NOTCH2: variants seen among roughly 807,000 people sequenced by gnomAD.
The protein encoded by NOTCH2 is notch receptor 2.
NOTCH2 carries 29 observed loss-of-function variants against 235.8 expected under a neutral mutation model. The observed-to-expected ratio is 0.12, with a 90% CI of 0.09 to 0.17. The LOEUF is 0.17. Among genes scored for constraint, NOTCH2 ranks in the 10% least tolerant of loss-of-function variants. The pLI, the probability that NOTCH2 is intolerant of heterozygous loss-of-function variation, is 1.00. For synonymous variants in NOTCH2, 1,086 were observed against 1,141.5 expected (o/e 0.95, Z 0.98); for missense variants, 2,285 against 3,150.2 (o/e 0.73, Z 6.57).
chr1:119,918,588 C>A, intron 31 of NOTCH2, 35 bp from the exon 32 acceptor site: 1 of 1,610,738 alleles, frequency 6.2e-7, no homozygotes, highest in South Asian at 1.1e-5. Flanking sequence ...AGAGAGTCAC[C>A]TGGATGAAGG....
At chr1:119,932,398 A>C (rs587681300) in intron 22 of NOTCH2, among the ~76,000 whole-genome samples, 11 of 152,028 alleles carry the variant, frequency 7.2e-5, no homozygotes, top group Admixed American at 5.9e-4. Context: ...GACCAGCCTG[A>C]CCAACATGGA....
chr1:120,014,198 T>C (rs1332410758), intron 2 of NOTCH2, among the ~76,000 whole-genome samples: 1 of 152,070 alleles, frequency 6.6e-6, no homozygotes, highest in Non-Finnish European at 1.5e-5. Flanking sequence ...TTGGGGAGCA[T>C]TTTTCCATTT....
intron 5 of NOTCH2, chr1:119,976,314 T>A (rs1387778299): frequency 1.3e-5 from 2 of 151,814 alleles, no homozygotes; most frequent in East Asian, 3.9e-4. Flanking sequence ...AGACTTTCTA[T>A]CACGCTGCTG....
At chr1:120,069,108 C>T in intron 1 of NOTCH2, 1 of 1,520,790 alleles carries the variant, frequency 6.6e-7, no homozygotes, top group South Asian at 1.2e-5. Context: ...TGTAAGGGGT[C>T]CCGGGCCGCG....
intron 19 of NOTCH2, among the ~76,000 whole-genome samples, chr1:119,938,823 G>GGCACCCGCTACC (rs1553196086): frequency 3.3e-5 from 5 of 152,088 alleles, no homozygotes; most frequent in African/African-American, 1.2e-4. Context: ...TGGGACTACA[G>GGCACCCGCTACC]GCACCCGCTA....
At chr1:119,919,765 C>G (rs1241992928) in intron 30 of NOTCH2, 152 bp from the exon 31 acceptor site, 1 of 765,402 alleles carries the variant, frequency 1.3e-6, no homozygotes. Context: ...ACATTTGCCA[C>G]CTTTTCCTCT....
At position 119,911,858 on chromosome 1, in the gene NOTCH2, T is replaced by C. The variant is rs1648905160; in HGVS notation, c.*3448A>G. 4.3e-6 allele frequency: 1 copy of C among 233,148 alleles called. No individual in the cohort carries two copies. The highest frequency in any genetic ancestry group is 2.2e-5 in the African/African-American group (1 of 45,352). 14.4% of individuals were successfully genotyped at this position (233,148 alleles called of 1,614,324 possible). Reference sequence around the variant, plus strand: ...AGAAGAGTGCTCAGTTTTGTGATGTTTCCTATTTGACAGATGCTTTTTCCC... The same window carrying C: ...AGAAGAGTGCTCAGTTTTGTGATGTCTCCTATTTGACAGATGCTTTTTCCC... On this transcript the variant is annotated 3_prime_UTR_variant, in exon 34 of 34. Coordinates refer to ENST00000256646, the MANE Select transcript of NOTCH2 (RefSeq NM_024408.4).
intron 5 of NOTCH2, among the ~76,000 whole-genome samples, chr1:119,978,459 C>CA (rs1364839557): frequency 4.6e-5 from 7 of 152,192 alleles, no homozygotes; most frequent in Non-Finnish European, 8.8e-5. Context: ...AACTCCACCT[C>CA]ACCCCTCCAG....
At position 119,965,530 on chromosome 1, in the gene NOTCH2, T is replaced by G; in HGVS notation, c.1604A>C (p.Asp535Ala). The part of the protein sequence containing the change: ...TGPVCQIDID[D>A]CSSTPCLNGA... ...ATTCAGACACGGAGTACTGGAACAG[T>G]CATCAATATCAATCTGGCAAACTGG... Residue 535 changes from aspartate to alanine, a missense_variant, in exon 10 of 34, where the codon GAC becomes GCC. Physicochemically the swap from Asp to Ala is moderately radical, Grantham distance 126 (BLOSUM62 -2). Coordinates refer to ENST00000256646, the MANE Select transcript of NOTCH2 (RefSeq NM_024408.4). The G allele has an allele frequency of 6.2e-7, 1 of 1,614,016 alleles. No homozygotes were observed. The highest frequency in any genetic ancestry group is 8.5e-7 in the Non-Finnish European group (1 of 1,179,906).
At position 119,941,601 on chromosome 1, in the gene NOTCH2, T is replaced by C. The variant is rs142978777; in HGVS notation, c.2906A>G (p.Asn969Ser). 1.2e-5 allele frequency: 19 copies of C among 1,614,202 alleles called. No individual in the cohort carries two copies. The highest frequency in any genetic ancestry group is 5.3e-5 in the African/African-American group (4 of 75,056). Residue 969 changes from asparagine to serine, a missense_variant, in exon 18 of 34, where the codon AAC (asparagine) becomes AGC (serine). By Grantham distance (46) the Asn-to-Ser change is conservative. Transcript: ENST00000256646. ...KNGGTCSDYVNSYTCKCQAGF... is the reference protein window; with the variant it reads ...KNGGTCSDYVSSYTCKCQAGF... ...TGCCTGGCACTTGCAAGTGTAACTG[T>C]TGACGTAGTCAGAGCAGGTCCCTCC...
At position 119,925,572 on chromosome 1, in the gene NOTCH2, G is replaced by A. The variant is rs758275919; in HGVS notation, c.4244C>T (p.Thr1415Met). 15 of 1,614,150 alleles carry A rather than the reference G, an allele frequency of 9.3e-6. No individual in the cohort carries two copies. Among genetic ancestry groups the A allele is most frequent in the African/African-American group, 1.3e-5 (1 of 75,046 alleles). ...PFSGSRCELY[T>M]APPSTPPATC... ...GGCAGGAGGGGTGCTGGGGGGTGCCGTGTAGAGTTCACAGCGGCTACCCGA... is the reference window on the plus strand; with the variant it reads ...GGCAGGAGGGGTGCTGGGGGGTGCCATGTAGAGTTCACAGCGGCTACCCGA... The change falls in exon 25 of 34, where the codon ACG becomes ATG. Residue 1415 changes from threonine (T) to methionine (M), a missense_variant. Thr to Met is a moderately conservative substitution (Grantham distance 81). Around this residue, in one of 6 missense-constraint regions of NOTCH2, gnomAD observed 1,173 missense variants for 1,515.3 expected, o/e 0.77. Transcript: ENST00000256646.
chr1:119,929,291 G>C lies in NOTCH2; in HGVS notation c.3656-79C>G, dbSNP rs995562909. On this transcript the variant is annotated intron_variant, in intron 22 of 33. Coordinates refer to ENST00000256646, the MANE Select transcript of NOTCH2 (RefSeq NM_024408.4). ...CAGCAAGGGATAACCACCCTTGTTG[G>C]CATTTTCACAATGAATCAGAGTATA... 1.9e-5 allele frequency: 22 copies of C among 1,186,290 alleles called. No individual in the cohort carries two copies. In the African/African-American group the frequency reaches 3.1e-4, roughly 17 times the overall value. 73.5% of individuals were successfully genotyped at this position (1,186,290 alleles called of 1,614,324 possible). A position where few individuals can be genotyped will look rare whatever the true frequency, so the allele number is the denominator to read the frequency against.
rs1652486654 is a variant in NOTCH2, at chr1:119,997,020, G to C, written c.728C>G (p.Thr243Ser). The change falls in exon 4 of 34, where the codon ACT becomes AGT. Residue 243 changes from threonine (T) to serine (S), a missense_variant. Physicochemically the swap from Thr to Ser is moderately conservative, Grantham distance 58. This residue lies in a region of NOTCH2 where 431 missense variants were observed against 757.8 expected (regional missense o/e 0.57). Coordinates refer to ENST00000256646, the MANE Select transcript of NOTCH2 (RefSeq NM_024408.4). The stretch of plus-strand genomic sequence containing the variant: ...ACCTGGAAGGCAGTTGCACTCAAAA[G>C]TGAAGTCACCAGTCTGCCGACAGGT... Reference protein sequence around the residue: ...GGTCRQTGDFTFECNCLPGFE... With the variant: ...GGTCRQTGDFSFECNCLPGFE... The C allele has an allele frequency of 6.2e-7, 1 of 1,613,978 alleles. No homozygotes were observed. Among genetic ancestry groups the C allele is most frequent in the Non-Finnish European group, 8.5e-7 (1 of 1,179,858 alleles).
chr1:119,938,104 C>A, intron 19 of NOTCH2, 94 bp from the exon 20 acceptor site: 1 of 1,395,506 alleles, frequency 7.2e-7, no homozygotes, highest in Non-Finnish European at 1.0e-6. Flanking sequence ...CAAAGAAAAG[C>A]AAACTGATTA....
chr1:120,038,974 T>G (rs1410446959), intron 1 of NOTCH2, among the ~76,000 whole-genome samples: 1 of 152,194 alleles, frequency 6.6e-6, no homozygotes, highest in Middle Eastern at 3.4e-3. Context: ...AATTTACATC[T>G]AAATGAAAAA....
chr1:120,041,073 T>A (rs1177241854), intron 1 of NOTCH2, among the ~76,000 whole-genome samples: 786 of 65,982 alleles, frequency 0.012, 18 homozygotes, highest in East Asian at 0.083. Flanking sequence ...AAAAAAAAAA[T>A]ATATATATAT....
Position 119,922,410 on chromosome 1 carries a change from T to C in NOTCH2, c.5039A>G (p.Tyr1680Cys), listed in dbSNP as rs1238982700. Reference protein sequence around the residue: ...SLTPERTQLLYLLAVAVVIIL... With the variant: ...SLTPERTQLLCLLAVAVVIIL... ...GATGACAACAGCAACAGCAAGGAGA[T>C]AGAGGAGCTGAGTGCGTTCTGGAGT... is the stretch of plus-strand genomic sequence containing the variant. The change falls in exon 28 of 34, where the codon TAT (tyrosine) becomes TGT (cysteine). Residue 1680 changes from tyrosine (Y) to cysteine (C), a missense_variant. Transcript: ENST00000256646. 4.3e-6 allele frequency: 7 copies of C among 1,613,862 alleles called. No homozygotes were observed. Among genetic ancestry groups the C allele is most frequent in the Non-Finnish European group, 5.9e-6 (7 of 1,179,922 alleles).
chr1:119,975,471 C>T (rs887998786), intron 5 of NOTCH2, among the ~76,000 whole-genome samples: 4 of 152,022 alleles, frequency 2.6e-5, no homozygotes, highest in African/African-American at 9.7e-5. Flanking sequence ...CATGGTGAAA[C>T]CCCGTCTTTA....
rs753940637 is a variant in NOTCH2, at chr1:119,926,595, G to A, written c.3909C>T (p.Thr1303=). The change falls in exon 24 of 34, where the codon ACC becomes ACT. Residue 1303 remains threonine, a synonymous_variant. Transcript: ENST00000256646. ...RSAFTGRHCE[T]FVDVCPQMPC... ...GCATCTGGGGACACACATCGACGAA[G>A]GTTTCACAGTGCCGGCCTCAGAAAA... 1.2e-6 allele frequency: 2 copies of A among 1,608,116 alleles called. No individual in the cohort carries two copies. The highest frequency in any genetic ancestry group is 1.7e-6 in the Non-Finnish European group (2 of 1,176,638).
Sources: gnomAD v4.1 joint callset for allele counts (sites outside exome capture counted in the v4.1 genomes callset) on GRCh38, gnomAD v4.1.1 for gene constraint, gnomAD v4.1.1 regional missense constraint, MANE v1.5 for transcripts, NCBI Gene and HGNC (gene_info 2026-07-23, HGNC 2026-07-21) for gene names.